ADGRB3: variants seen among roughly 807,000 people sequenced by gnomAD.
The protein encoded by ADGRB3 is brain-specific angiogenesis inhibitor 3.
ADGRB3 carries 37 observed loss-of-function variants against 193.4 expected under a neutral mutation model. That is an observed-to-expected ratio of 0.19 (90% CI 0.15 to 0.25). The LOEUF is 0.25. ADGRB3 is among the 10% of genes least tolerant of loss of function. ADGRB3 has a pLI of 1.00. For missense variants in ADGRB3, 1,637 were observed against 1,852.9 expected, an observed-to-expected ratio of 0.88 and a Z score of 2.14; for synonymous variants, 690 against 644.2, an observed-to-expected ratio of 1.07 and a Z score of -1.08.
At chr6:68,733,542 C>A (rs73463932) in intron 3 of ADGRB3, among the ~76,000 whole-genome samples, 4,887 of 151,612 alleles carry the variant, frequency 0.032, 140 homozygotes, top group African/African-American at 0.073. Flanking sequence ...TATATTCATT[C>A]CTGGGGAAAT....
chr6:69,130,657 C>G (rs1298337096), intron 17 of ADGRB3, among the ~76,000 whole-genome samples: 1 of 151,274 alleles, frequency 6.6e-6, no homozygotes, highest in East Asian at 2.0e-4. Flanking sequence ...TTTAACTACA[C>G]TGGTTTTAGT....
At chr6:69,187,031 C>T (rs1405372812) in intron 17 of ADGRB3, among the ~76,000 whole-genome samples, 3 of 149,248 alleles carry the variant, frequency 2.0e-5, no homozygotes, top group Non-Finnish European at 4.4e-5. Context: ...GAATGGTAAA[C>T]ATAACATTTG....
chr6:69,269,589 C>T (rs1043975616), intron 20 of ADGRB3, among the ~76,000 whole-genome samples: 3 of 152,008 alleles, frequency 2.0e-5, no homozygotes, highest in Admixed American at 6.6e-5. Flanking sequence ...CTTGTTATTT[C>T]TAAGGGAGTC....
intron 17 of ADGRB3, among the ~76,000 whole-genome samples, chr6:69,229,007 G>T (rs928902469): frequency 2.6e-5 from 4 of 152,168 alleles, no homozygotes; most frequent in African/African-American, 9.6e-5. Context: ...CTATCATAGG[G>T]TTTAATTTTC....
chr6:69,241,145 A>G (rs1457063625), intron 20 of ADGRB3, among the ~76,000 whole-genome samples: 4 of 151,964 alleles, frequency 2.6e-5, no homozygotes, highest in African/African-American at 9.7e-5. Flanking sequence ...AGACATTTCT[A>G]CAAGGTGTAC....
At chr6:69,139,148 G>T (rs937596001) in intron 17 of ADGRB3, among the ~76,000 whole-genome samples, 19 of 152,146 alleles carry the variant, frequency 1.2e-4, no homozygotes, top group African/African-American at 3.4e-4. Flanking sequence ...TTGATAGTCC[G>T]GAGCTTTCCC....
intron 3 of ADGRB3, among the ~76,000 whole-genome samples, chr6:68,855,786 C>T (rs538316669): frequency 1.1e-4 from 16 of 152,156 alleles, no homozygotes; most frequent in East Asian, 9.7e-4. Context: ...CAGAAGGCCA[C>T]GGCAGGAAGA....
intron 12 of ADGRB3, 48 bp downstream of exon 12, chr6:69,014,154 A>G (rs769171519): frequency 7.4e-7 from 1 of 1,343,304 alleles, no homozygotes; most frequent in South Asian, 1.3e-5. Flanking sequence ...AACAAAGTGT[A>G]AAAAATATGT....
chr6:68,956,006 C>T lies in ADGRB3; in HGVS notation c.1196-18C>T, dbSNP rs1357724512. ...ATTGGAAGATATCCTCATGCTGTCT[C>T]TTTTTCTGCTTTGGTAGTTGATGGA... On this transcript the variant is annotated intron_variant, in intron 6 of 31. Transcript: ENST00000370598. 1.3e-5 allele frequency: 21 copies of T among 1,609,704 alleles called. No individual in the cohort carries two copies. The highest frequency in any genetic ancestry group is 1.7e-5 in the Non-Finnish European group (20 of 1,178,126).
At chr6:68,786,060 G>T (rs1330934988) in intron 3 of ADGRB3, among the ~76,000 whole-genome samples, 2 of 151,544 alleles carry the variant, frequency 1.3e-5, no homozygotes, top group Non-Finnish European at 1.5e-5. Context: ...TTAGCCCGTT[G>T]TCAGATGAGT....
chr6:68,848,619 C>A lies in ADGRB3; in HGVS notation c.758-81940C>A, dbSNP rs571619816. Among the ~76,000 whole-genome samples the A allele has an allele frequency of 2.0e-5, 3 of 152,038 alleles. No individual in the cohort carries two copies. The South Asian group carries it at 6.2e-4, about 32-fold the overall frequency. ...TATTTTTACTATGTTTTACATAATT[C>A]TATTTAAATATGTTTAGCATTTTGT... On this transcript the variant is annotated intron_variant, in intron 3 of 31. Transcript: ENST00000370598.
chr6:69,343,174 C>T (rs1769015211), intron 26 of ADGRB3, among the ~76,000 whole-genome samples: 1 of 148,628 alleles, frequency 6.7e-6, no homozygotes. Context: ...TTTTTTCCTG[C>T]CTTTGTAATT....
intron 17 of ADGRB3, among the ~76,000 whole-genome samples, chr6:69,193,704 T>C (rs577764244): frequency 1.3e-5 from 2 of 151,936 alleles, no homozygotes; most frequent in Non-Finnish European, 2.9e-5. Context: ...ACTTAACCCT[T>C]TGAATCTCAA....
intron 17 of ADGRB3, among the ~76,000 whole-genome samples, chr6:69,202,817 T>G (rs1215301913): frequency 6.6e-6 from 1 of 152,144 alleles, no homozygotes; most frequent in Non-Finnish European, 1.5e-5. Flanking sequence ...TGGCTTCAAC[T>G]TCCCTGGTTG....
At chr6:69,171,373 G>A (rs776937813) in intron 17 of ADGRB3, among the ~76,000 whole-genome samples, 3 of 152,202 alleles carry the variant, frequency 2.0e-5, no homozygotes, top group Non-Finnish European at 4.4e-5. Flanking sequence ...GATATGATCT[G>A]AGTTGAGAAA....
At position 68,638,877 on chromosome 6, in the gene ADGRB3, A is replaced by G. The variant is rs753320287; in HGVS notation, c.202A>G (p.Ser68Gly). The change falls in exon 3 of 32, where the codon AGC (serine) becomes GGC (glycine). Residue 68 changes from serine (S) to glycine (G), a missense_variant. Transcript: ENST00000370598. ...TLENPDPTKY[S>G]IYLKFSKKDL... is the part of the protein sequence containing the mutation. ...GGAAAATCCAGATCCAACCAAATAT[A>G]GCATTTACCTGAAATTTTCCAAAAA... 22 of 1,614,164 alleles carry G rather than the reference A, an allele frequency of 1.4e-5. No homozygotes were observed. The highest frequency in any genetic ancestry group is 2.2e-5 in the East Asian group (1 of 44,866).
intron 3 of ADGRB3, among the ~76,000 whole-genome samples, chr6:68,679,239 A>G (rs1043408728): frequency 8.5e-5 from 13 of 152,214 alleles, no homozygotes; most frequent in African/African-American, 2.9e-4. Context: ...ACTGAACACA[A>G]TAGAACTTTA....
At chr6:69,081,986 G>T (rs1403815031) in intron 17 of ADGRB3, among the ~76,000 whole-genome samples, 1 of 151,950 alleles carries the variant, frequency 6.6e-6, no homozygotes, top group African/African-American at 2.4e-5. Context: ...TCTAACATTG[G>T]GGTTTGCACA....
chr6:68,772,862 C>CAAAA, intron 3 of ADGRB3, among the ~76,000 whole-genome samples: 1 of 13,880 alleles, frequency 7.2e-5, no homozygotes, highest in South Asian at 2.4e-3. Context: ...TAAAAACAAA[C>CAAAA]AAACAAACAA....
Sources: allele counts gnomAD v4.1 joint callset (sites outside exome capture counted in the v4.1 genomes callset), GRCh38; gene constraint gnomAD v4.1.1; transcripts MANE v1.5; gene names NCBI Gene and HGNC (gene_info 2026-07-23, HGNC 2026-07-21).